Variants in SLC38A8 observed in about 807,000 individuals in gnomAD.
SLC38A8 encodes amino acid transporter SLC38A8.
In SLC38A8, 65 loss-of-function variants were observed where a neutral mutation model predicts 46.0. That is an observed-to-expected ratio of 1.41 (90% CI 1.16 to 1.74). The LOEUF is 1.74. SLC38A8 is among the 40% of genes most tolerant of loss of function. SLC38A8 has a pLI of 0.00. For missense variants in SLC38A8, 998 were observed against 567.9 expected, an observed-to-expected ratio of 1.76 and a Z score of -7.70; for synonymous variants, 447 against 243.7, an observed-to-expected ratio of 1.83 and a Z score of -7.77.
At chr16:84,026,054 C>T (rs1025226519) in intron 6 of SLC38A8, among the ~76,000 whole-genome samples, 2 of 152,258 alleles carry the variant, frequency 1.3e-5, no homozygotes, top group Non-Finnish European at 2.9e-5. Context: ...CAGGCTCTGC[C>T]TTCAGGGCAC....
chr16:84,011,787 G>T (rs1597245877), intron 10 of SLC38A8, among the ~76,000 whole-genome samples: 1 of 152,228 alleles, frequency 6.6e-6, no homozygotes, highest in East Asian at 1.9e-4. Flanking sequence ...AGGAGGCTGA[G>T]GCAGGAGGAT....
intron 7 of SLC38A8, among the ~76,000 whole-genome samples, chr16:84,021,152 T>A (rs1195552393): frequency 3.3e-5 from 5 of 152,142 alleles, no homozygotes; most frequent in Admixed American, 3.3e-4. Context: ...AACCTCCAGC[T>A]CCCAGGTTCA....
At chr16:84,036,181 A>T (rs77005333) in intron 3 of SLC38A8, among the ~76,000 whole-genome samples, 4,610 of 152,316 alleles carry the variant, frequency 0.03, 234 homozygotes, top group African/African-American at 0.11. Context: ...TAAACATCTC[A>T]CAAGTCAAAG....
intron 9 of SLC38A8, 123 bp from the exon 10 acceptor site, chr16:84,013,175 G>A (rs562707340): frequency 2.8e-5 from 29 of 1,046,478 alleles, no homozygotes; most frequent in Admixed American, 1.7e-4. Context: ...GGTGCCCCTG[G>A]CTCAGGCCCC....
intron 6 of SLC38A8, among the ~76,000 whole-genome samples, chr16:84,028,044 G>C (rs1394222153): frequency 7.4e-6 from 1 of 134,454 alleles, no homozygotes; most frequent in Admixed American, 7.3e-5. Context: ...AATGTTTCAA[G>C]ATTTTTTTTT....
chr16:84,029,271 A>T (rs962368384), intron 6 of SLC38A8, among the ~76,000 whole-genome samples: 1 of 152,130 alleles, frequency 6.6e-6, no homozygotes, highest in Non-Finnish European at 1.5e-5. Flanking sequence ...CTGGATTCCC[A>T]AGTTCAAGGC....
intron 2 of SLC38A8, chr16:84,041,096 C>T (rs2085361887): frequency 6.6e-6 from 1 of 152,290 alleles, no homozygotes; most frequent in African/African-American, 2.4e-5. Context: ...TTCCATCAGC[C>T]AGCGGCAAAG....
At chr16:84,014,953 C>G (rs2151113058) in intron 9 of SLC38A8, among the ~76,000 whole-genome samples, 2 of 152,268 alleles carry the variant, frequency 1.3e-5, no homozygotes, top group South Asian at 4.1e-4. Context: ...TTTCATGCCC[C>G]CATTCGAGTT....
In SLC38A8 at chr16:84,024,110, C is replaced by T. The variant is rs555998448; in HGVS notation, c.691-1221G>A. Among the ~76,000 whole-genome samples, 3 of 152,252 alleles carry T rather than the reference C, an allele frequency of 2.0e-5. No individual in the cohort carries two copies. In the East Asian group the frequency reaches 5.8e-4, roughly 29 times the overall value. On this transcript the variant is annotated intron_variant, in intron 6 of 10. Transcript: ENST00000299709. The stretch of plus-strand genomic sequence containing the variant: ...TACATGCCAGTAACAGCCCCCCTCC[C>T]CCAAGTTGTGACAACCCAAAATGTC...
chr16:84,013,312 C>A (rs574403895), intron 9 of SLC38A8, among the ~76,000 whole-genome samples: 6 of 151,904 alleles, frequency 3.9e-5, no homozygotes, highest in Admixed American at 3.9e-4. Flanking sequence ...GCAACCTTGA[C>A]AACATGCCCC....
chr16:84,013,645 G>A (rs567547432), intron 9 of SLC38A8, among the ~76,000 whole-genome samples: 10 of 151,534 alleles, frequency 6.6e-5, no homozygotes, highest in Non-Finnish European at 1.3e-4. Flanking sequence ...TGGTCAGGAT[G>A]GTCTGGACCT....
At chr16:84,023,012 G>C (rs913428276) in intron 6 of SLC38A8, 123 bp from the exon 7 acceptor site, 5 of 641,768 alleles carry the variant, frequency 7.8e-6, no homozygotes, top group South Asian at 6.0e-5. Context: ...GAAATAGCCT[G>C]ATCAATCCTT....
intron 2 of SLC38A8, chr16:84,039,843 G>A (rs1292125624): frequency 2.0e-5 from 3 of 151,626 alleles, no homozygotes; most frequent in East Asian, 1.9e-4. Flanking sequence ...GTCACAAGAG[G>A]GACTGAGCCT....
intron 3 of SLC38A8, 118 bp downstream of exon 3, chr16:84,036,583 AG>A (rs1360977545): frequency 3.5e-6 from 4 of 1,141,848 alleles, no homozygotes; most frequent in Non-Finnish European, 5.0e-6. Context: ...GTGTGGTTTC[AG>A]CCTCTGCTGT....
At chr16:84,023,354 G>C (rs191333447) in intron 6 of SLC38A8, among the ~76,000 whole-genome samples, 1 of 152,042 alleles carries the variant, frequency 6.6e-6, no homozygotes, top group Non-Finnish European at 1.5e-5. Context: ...TCCTTTGCTC[G>C]GGTGTGCTCT....
At chr16:84,013,225 G>C (rs932715459) in intron 9 of SLC38A8, among the ~76,000 whole-genome samples, 173 bp from the exon 10 acceptor site, 5 of 152,150 alleles carry the variant, frequency 3.3e-5, no homozygotes, top group Non-Finnish European at 7.4e-5. Context: ...GACGGGGCTG[G>C]AGTCCCAGCT....
chr16:84,021,583 C>G (rs1302318131), intron 7 of SLC38A8, among the ~76,000 whole-genome samples: 2 of 152,182 alleles, frequency 1.3e-5, no homozygotes, highest in African/African-American at 4.8e-5. Flanking sequence ...CTAGTCTTGT[C>G]TCTAAGCCCT....
chr16:84,025,080 C>T (rs561566607), intron 6 of SLC38A8, among the ~76,000 whole-genome samples: 6 of 152,280 alleles, frequency 3.9e-5, no homozygotes, highest in African/African-American at 9.6e-5. Flanking sequence ...TGGTGATTCA[C>T]GAACAGCCAA....
chr16:84,023,485 G>A (rs942719547), intron 6 of SLC38A8, among the ~76,000 whole-genome samples: 1 of 152,062 alleles, frequency 6.6e-6, no homozygotes, highest in African/African-American at 2.4e-5. Flanking sequence ...CCCACCAAGA[G>A]CAGAGGGCGT....
Sources: allele counts gnomAD v4.1 joint callset (sites outside exome capture counted in the v4.1 genomes callset), GRCh38; gene constraint gnomAD v4.1.1; transcripts MANE v1.5; gene names NCBI Gene and HGNC (gene_info 2026-07-23, HGNC 2026-07-21).